Variants in ODAD2 observed in about 807,000 individuals in gnomAD.
The protein encoded by ODAD2 is outer dynein arm-docking complex subunit 2.
Under a neutral mutation model 106.8 loss-of-function variants are expected in ODAD2, and 89 were observed. The ratio of observed to expected loss-of-function variants is 0.83; its 90% CI spans 0.70 to 0.99. ODAD2 has a LOEUF of 0.99. Ranked by LOEUF, ODAD2 falls within the 50% of genes least tolerant of loss-of-function variation. The pLI is 0.00. For synonymous variants in ODAD2, 404 were observed against 436.2 expected (o/e 0.93, Z 0.92); for missense variants, 1,168 against 1,238.5 (o/e 0.94, Z 0.85).
chr10:27,823,165 T>G (rs1239975165), intron 19 of ODAD2, among the ~76,000 whole-genome samples: 1 of 152,220 alleles, frequency 6.6e-6, no homozygotes, highest in Non-Finnish European at 1.5e-5. Flanking sequence ...GCTCATGGTG[T>G]CATTTGGAAT....
intron 10 of ODAD2, chr10:27,958,996 C>T (rs538772147): frequency 7.7e-6 from 10 of 1,302,948 alleles, no homozygotes; most frequent in South Asian, 7.4e-5. Context: ...GATAATGGAC[C>T]GGGACTCTTG....
At chr10:27,812,669 C>T (rs1486397609) in intron 19 of ODAD2, 44 bp from the exon 20 acceptor site, 11 of 1,529,222 alleles carry the variant, frequency 7.2e-6, no homozygotes, top group Non-Finnish European at 9.6e-6. Context: ...AGAATAAAAA[C>T]ATTAATCTAA....
At chr10:27,823,942 C>A (rs1047697607) in intron 19 of ODAD2, among the ~76,000 whole-genome samples, 1 of 117,040 alleles carries the variant, frequency 8.5e-6, no homozygotes, top group African/African-American at 4.7e-5. Flanking sequence ...AGATCGAGAC[C>A]ATCCTGGCTA....
intron 10 of ODAD2, among the ~76,000 whole-genome samples, chr10:27,945,831 C>T (rs1173093875): frequency 1.3e-5 from 2 of 151,944 alleles, no homozygotes; most frequent in African/African-American, 4.8e-5. Flanking sequence ...GTTCTGGCAT[C>T]AGCACTAAAG....
intron 17 of ODAD2, among the ~76,000 whole-genome samples, chr10:27,884,030 CA>C (rs1193896130): frequency 2.0e-5 from 3 of 151,618 alleles, no homozygotes; most frequent in African/African-American, 7.3e-5. Context: ...AAATAATGGC[CA>C]AAAGTTCTCC....
chr10:27,993,719 T>TTC (rs1850369462), intron 2 of ODAD2, among the ~76,000 whole-genome samples: 2 of 152,098 alleles, frequency 1.3e-5, no homozygotes, highest in Non-Finnish European at 2.9e-5. Flanking sequence ...ATAGAAGAAT[T>TTC]AAAGAGCTTT....
chr10:27,959,224 GA>G (rs1847946106), intron 10 of ODAD2, among the ~76,000 whole-genome samples: 1 of 78,266 alleles, frequency 1.3e-5, no homozygotes, highest in Non-Finnish European at 2.5e-5. Flanking sequence ...GAGGGGAGGG[GA>G]GGGGAGGCGA....
chr10:27,855,041 G>A (rs924335657), intron 19 of ODAD2, among the ~76,000 whole-genome samples: 1 of 152,064 alleles, frequency 6.6e-6, no homozygotes, highest in Non-Finnish European at 1.5e-5. Flanking sequence ...ATTATGTAAG[G>A]GTACCAGGAA....
chr10:27,833,041 T>C (rs188472681), intron 19 of ODAD2, among the ~76,000 whole-genome samples: 6 of 152,280 alleles, frequency 3.9e-5, no homozygotes, highest in South Asian at 2.1e-4. Flanking sequence ...CCTTAAGAGA[T>C]TGGCTTTCCC....
chr10:27,841,892 C>T (rs1589799871), intron 19 of ODAD2, among the ~76,000 whole-genome samples: 1 of 151,984 alleles, frequency 6.6e-6, no homozygotes, highest in Admixed American at 6.6e-5. Flanking sequence ...GTAGCTGGGA[C>T]TACAGGTATG....
chr10:27,937,328 CTTTCTTT>C (rs1326674585), intron 14 of ODAD2, among the ~76,000 whole-genome samples: 23 of 147,328 alleles, frequency 1.6e-4, no homozygotes, highest in African/African-American at 4.6e-4. Flanking sequence ...TTTTTTCTTT[CTTTCTTT>C]TTTCTTTTTT....
intron 10 of ODAD2, among the ~76,000 whole-genome samples, chr10:27,960,313 CATTATTATTATTATTATT>C (rs72020123): frequency 0.068 from 9,422 of 138,666 alleles, 360 homozygotes; most frequent in East Asian, 0.18. Context: ...TTATTTATTT[CATTATTATTATTATTATT>C]ATTATTATTA....
Position 27,944,734 on chromosome 10 carries a change from G to C in ODAD2, c.1533+82C>G, listed in dbSNP as rs939247462. 12 of 1,538,396 alleles carry C rather than the reference G, an allele frequency of 7.8e-6. No individual in the cohort carries two copies. The Admixed American group carries it at 2.1e-4, about 27-fold the overall frequency. Reference sequence around the variant, plus strand: ...ATAAAGACAAGAACCAGGCAACGAGGCATGGCAGAAACCTAGAGCTAAGAA... The same window carrying C: ...ATAAAGACAAGAACCAGGCAACGAGCCATGGCAGAAACCTAGAGCTAAGAA... On this transcript the variant is annotated intron_variant, in intron 11 of 19. Coordinates refer to ENST00000305242, the MANE Select transcript of ODAD2 (RefSeq NM_018076.5).
chr10:27,920,856 A>T (rs559279499), intron 16 of ODAD2, among the ~76,000 whole-genome samples: 1 of 150,838 alleles, frequency 6.6e-6, no homozygotes, highest in East Asian at 2.0e-4. Context: ...CCCAATGTAA[A>T]AACTGAAAAA....
intron 17 of ODAD2, among the ~76,000 whole-genome samples, chr10:27,900,112 G>A (rs1444982026): frequency 6.6e-6 from 1 of 152,148 alleles, no homozygotes; most frequent in Non-Finnish European, 1.5e-5. Flanking sequence ...AGCTTCCAGA[G>A]GAAGGAACAG....
At chr10:27,813,335 T>A (rs1835883884) in intron 19 of ODAD2, 1 of 152,206 alleles carries the variant, frequency 6.6e-6, no homozygotes, top group Non-Finnish European at 1.5e-5. Context: ...TTATTCCTCA[T>A]CAGGCTGTCA....
chr10:27,999,510 T>C (rs1850749132), upstream of ODAD2, among the ~76,000 whole-genome samples: 2 of 152,144 alleles, frequency 1.3e-5, no homozygotes, highest in African/African-American at 2.4e-5. Context: ...CGCTCTTCAA[T>C]AGGGCAGAGG....
chr10:27,914,406 G>A (rs1844222130), intron 16 of ODAD2, among the ~76,000 whole-genome samples: 1 of 151,980 alleles, frequency 6.6e-6, no homozygotes, highest in Non-Finnish European at 1.5e-5. Context: ...CCTATTTTAA[G>A]TTTTAGCATT....
intron 17 of ODAD2, 86 bp from the exon 18 acceptor site, chr10:27,862,708 G>C: frequency 1.1e-6 from 1 of 901,116 alleles, no homozygotes; most frequent in Non-Finnish European, 1.6e-6. Context: ...CAATACAGCT[G>C]TGAGGTACAT....
Sources: gnomAD v4.1 joint callset for allele counts (sites outside exome capture counted in the v4.1 genomes callset) on GRCh38, gnomAD v4.1.1 for gene constraint, MANE v1.5 for transcripts, NCBI Gene and HGNC (gene_info 2026-07-23, HGNC 2026-07-21) for gene names.